The following TMC7 variants were observed in gnomAD, a reference collection of about 807,000 sequenced individuals.
TMC7 encodes the protein transmembrane channel-like protein 7.
TMC7 carries 54 observed loss-of-function variants against 82.9 expected under a neutral mutation model. The ratio of observed to expected loss-of-function variants is 0.65; its 90% CI spans 0.52 to 0.82. TMC7 has a LOEUF of 0.82. Ranked by LOEUF, TMC7 falls within the 40% of genes least tolerant of loss-of-function variation. The probability of loss-of-function intolerance (pLI) is 0.00; values close to 1 mark genes in which losing one functional copy is unlikely to be tolerated. For missense variants in TMC7, 820 were observed against 901.2 expected (o/e 0.91, Z 1.15); for synonymous variants, 350 against 337.9 (o/e 1.04, Z -0.39).
chr16:18,989,718 G>C lies in TMC7; in HGVS notation c.67+5588G>C, dbSNP rs536261225. ...GGTAAAGGGACAAATAGGATTACTG[G>C]AGGTAGCCCTAACTACTGGGACAGA... On this transcript the variant is annotated intron_variant, in intron 1 of 15. Transcript: ENST00000304381. 2.0e-5 allele frequency among the ~76,000 whole-genome samples: 3 copies of C among 151,760 alleles called. No individual in the cohort carries two copies. In the East Asian group the frequency reaches 5.8e-4, roughly 29 times the overall value.
intron 1 of TMC7, among the ~76,000 whole-genome samples, chr16:19,000,408 A>G (rs1373972130): frequency 1.3e-5 from 2 of 152,058 alleles, no homozygotes; most frequent in Non-Finnish European, 2.9e-5. Flanking sequence ...CAGAGGTTGC[A>G]GTGAGCTGAG....
intron 1 of TMC7, among the ~76,000 whole-genome samples, chr16:18,990,805 G>A (rs2038938092): frequency 6.6e-6 from 1 of 152,092 alleles, no homozygotes; most frequent in South Asian, 2.1e-4. Context: ...TAAGAGTGGG[G>A]CAGATTACAA....
chr16:19,014,731 T>C (rs141322278), intron 2 of TMC7, among the ~76,000 whole-genome samples: 32 of 152,250 alleles, frequency 2.1e-4, no homozygotes, highest in African/African-American at 7.7e-4. Flanking sequence ...GGAGCTGTCG[T>C]TGTTGGACGT....
intron 5 of TMC7, among the ~76,000 whole-genome samples, chr16:19,024,539 A>G (rs1050884491): frequency 4.6e-5 from 7 of 152,052 alleles, no homozygotes; most frequent in Non-Finnish European, 1.0e-4. Flanking sequence ...ACTTGGCACT[A>G]TTGATATTCT....
At position 19,021,786 on chromosome 16, in the gene TMC7, C is replaced by T. The variant is rs1235140768; in HGVS notation, c.618C>T (p.Phe206=). The T allele has an allele frequency of 6.2e-7, 1 of 1,614,128 alleles. No homozygotes were observed. Among genetic ancestry groups the T allele is most frequent in the Admixed American group, 1.7e-5 (1 of 60,004 alleles). The part of the protein sequence containing the change: ...ITNSSFVLIP[F]KDMDKQCTVY... ...ACAGCAGCTTCGTGCTCATTCCTTT[C>T]AAAGACATGGGTGAGTGTAAGGCCT... The change falls in exon 4 of 16, where the codon TTC becomes TTT. Residue 206 remains phenylalanine, a synonymous_variant. Transcript: ENST00000304381.
At position 19,021,849 on chromosome 16, in the gene TMC7, C is replaced by G. The variant is rs866712572; in HGVS notation, c.628+53C>G. 2.5e-6 allele frequency: 4 copies of G among 1,575,116 alleles called. No homozygotes were observed. In the African/African-American group the frequency reaches 5.4e-5, roughly 21 times the overall value. ...AGTGTGTTTGTTTTTCACCATGTAC[C>G]TTGCTACAATGCTTCCTTTGCTAAG... On this transcript the variant is annotated intron_variant, in intron 4 of 15. Transcript: ENST00000304381.
Position 19,038,159 on chromosome 16 carries a change from T to G in TMC7, c.1179+112T>G, listed in dbSNP as rs1033935180. On this transcript the variant is annotated intron_variant, in intron 8 of 15. Coordinates refer to ENST00000304381, the MANE Select transcript of TMC7 (RefSeq NM_024847.4). ...TATGGAGATACAAGTTTGGCTGATATGATCAAGACCTGAAAATCAGAGGTG... is the reference window on the plus strand; with the variant it reads ...TATGGAGATACAAGTTTGGCTGATAGGATCAAGACCTGAAAATCAGAGGTG... 3.7e-6 allele frequency: 4 copies of G among 1,087,266 alleles called. No homozygotes were observed. The African/African-American group carries it at 6.3e-5, about 17-fold the overall frequency. 67.4% of individuals were successfully genotyped at this position (1,087,266 alleles called of 1,614,324 possible).
At position 19,009,341 on chromosome 16, in the gene TMC7, C is replaced by T. The variant is rs75615247; in HGVS notation, c.237C>T (p.Asp79=). Residue 79 remains aspartate, a synonymous_variant, in exon 2 of 16, where the codon GAC becomes GAT. Coordinates refer to ENST00000304381, the MANE Select transcript of TMC7 (RefSeq NM_024847.4). ...PTDSYSSQLE[D]RIAENLSSHS... ...ACTCTTACAGCTCCCAGCTGGAGGACAGAATCGCTGAAAACCTCAGCAGCC... is the reference window on the plus strand; with the variant it reads ...ACTCTTACAGCTCCCAGCTGGAGGATAGAATCGCTGAAAACCTCAGCAGCC... The T allele has an allele frequency of 8.8e-3, 14,198 of 1,614,158 alleles. 106 individuals are homozygous for T. The highest frequency in any genetic ancestry group is 0.04 in the Middle Eastern group (240 of 6,062).
intron 2 of TMC7, among the ~76,000 whole-genome samples, chr16:19,016,139 C>T (rs1449762289): frequency 6.6e-6 from 1 of 151,894 alleles, no homozygotes; most frequent in Non-Finnish European, 1.5e-5. Context: ...TCTTGTTGCC[C>T]AGGCTGGAGT....
At chr16:19,032,749 T>G (rs1567519037) in intron 6 of TMC7, among the ~76,000 whole-genome samples, 1 of 152,062 alleles carries the variant, frequency 6.6e-6, no homozygotes, top group Admixed American at 6.6e-5. Flanking sequence ...TGCCTCAGCC[T>G]CCCAAGTAGC....
intron 14 of TMC7, 150 bp from the exon 15 acceptor site, chr16:19,059,266 A>G: frequency 1.4e-6 from 2 of 1,381,136 alleles, no homozygotes; most frequent in Non-Finnish European, 1.9e-6. Flanking sequence ...CTGCCTGGGC[A>G]AAGCACTGGT....
At chr16:19,036,725 A>AG (rs1960767437) in intron 7 of TMC7, among the ~76,000 whole-genome samples, 1 of 152,148 alleles carries the variant, frequency 6.6e-6, no homozygotes, top group Non-Finnish European at 1.5e-5. Flanking sequence ...AAAAAAAAAA[A>AG]GTACATGAGA....
intron 7 of TMC7, 74 bp from the exon 8 acceptor site, chr16:19,037,800 A>T (rs1960823846): frequency 1.4e-6 from 2 of 1,470,268 alleles, no homozygotes; most frequent in South Asian, 1.3e-5. Context: ...ATGGGGAGAG[A>T]ATGATGAATC....
intron 5 of TMC7, among the ~76,000 whole-genome samples, chr16:19,027,565 A>G (rs78620993): frequency 0.022 from 3,358 of 152,230 alleles, 126 homozygotes; most frequent in African/African-American, 0.077. Context: ...TTCCAGGCCC[A>G]GCCGACCTTT....
At chr16:18,992,923 T>C (rs1480259735) in intron 1 of TMC7, among the ~76,000 whole-genome samples, 1 of 152,222 alleles carries the variant, frequency 6.6e-6, no homozygotes, top group East Asian at 1.9e-4. Flanking sequence ...TGTGATATTA[T>C]TTCTGAGGGC....
At chr16:19,011,271 G>C (rs1282860794) in intron 2 of TMC7, among the ~76,000 whole-genome samples, 2 of 152,098 alleles carry the variant, frequency 1.3e-5, no homozygotes, top group African/African-American at 4.8e-5. Flanking sequence ...CCCCATTCTT[G>C]AAGAATTTAA....
rs1297860689 is a variant in TMC7 at position 19,035,767 on chromosome 16, A to C, written c.949A>C (p.Ile317Leu). Residue 317 changes from isoleucine to leucine, a missense_variant, in exon 7 of 16, where the codon ATC becomes CTC. By Grantham distance (5) the Ile-to-Leu change is conservative (BLOSUM62 2). Around this residue, in one of 2 missense-constraint regions of TMC7, gnomAD observed 650 missense variants for 669.9 expected, o/e 0.97. Coordinates refer to ENST00000304381, the MANE Select transcript of TMC7 (RefSeq NM_024847.4). The stretch of plus-strand genomic sequence containing the variant: ...GATATTTGCCGGCTGGGACTTCTGC[A>C]TCACTAACCGCAGCATGGCGGATCT... Reference protein sequence around the residue: ...NKIFAGWDFCITNRSMADLKH... With the variant: ...NKIFAGWDFCLTNRSMADLKH... 1 of 1,613,248 alleles carries C rather than the reference A, an allele frequency of 6.2e-7. No homozygotes were observed. Among genetic ancestry groups the C allele is most frequent in the Admixed American group, 1.7e-5 (1 of 59,926 alleles).
At position 19,016,544 on chromosome 16, in the gene TMC7, C is replaced by G. The variant is rs1440222686; in HGVS notation, c.406C>G (p.Arg136Gly). 2 of 1,613,946 alleles carry G rather than the reference C, an allele frequency of 1.2e-6. No homozygotes were observed. Among genetic ancestry groups the G allele is most frequent in the African/African-American group, 1.3e-5 (1 of 74,912 alleles). Reference sequence around the variant, plus strand: ...TTGGAAGAGGTTCCTAGAGAAGGCTCGAGAGATGACGACCCACCTGGAGCT... The same window carrying G: ...TTGGAAGAGGTTCCTAGAGAAGGCTGGAGAGATGACGACCCACCTGGAGCT... ...KSWKRFLEKA[R>G]EMTTHLELWR... The change falls in exon 3 of 16, where the codon CGA becomes GGA. Residue 136 changes from arginine to glycine, a missense_variant. Arg to Gly is a moderately radical substitution (Grantham distance 125). This residue lies in a region of TMC7 where 650 missense variants were observed against 669.9 expected (regional missense o/e 0.97). Transcript: ENST00000304381.
chr16:19,031,186 C>A (rs148348691), intron 6 of TMC7, among the ~76,000 whole-genome samples: 258 of 152,298 alleles, frequency 1.7e-3, no homozygotes, highest in Middle Eastern at 3.4e-3. Context: ...TTTGCATCAG[C>A]CTTGACCTCC....
Sources: allele counts gnomAD v4.1 joint callset (sites outside exome capture counted in the v4.1 genomes callset), GRCh38; gene constraint gnomAD v4.1.1; regional missense constraint gnomAD v4.1.1; transcripts MANE v1.5; gene names NCBI Gene and HGNC (gene_info 2026-07-23, HGNC 2026-07-21).